The following ADGRF4 variants were observed in gnomAD, a reference collection of about 807,000 sequenced individuals.
The protein encoded by ADGRF4 is adhesion G protein-coupled receptor F4, also known as G-protein coupled receptor PGR18.
Under a neutral mutation model 58.5 loss-of-function variants are expected in ADGRF4, and 63 were observed. That is an observed-to-expected ratio of 1.08 (90% CI 0.88 to 1.33). The LOEUF (loss-of-function observed/expected upper bound fraction) is 1.33, where lower values mean the gene tolerates loss of function less well. Among genes scored for constraint, ADGRF4 ranks in the 40% most tolerant of loss-of-function variants. The probability of loss-of-function intolerance (pLI) is 0.00; values close to 1 mark genes in which losing one functional copy is unlikely to be tolerated. For missense variants in ADGRF4, 931 were observed against 843.9 expected (o/e 1.10, Z -1.28); for synonymous variants, 313 against 295.4 (o/e 1.06, Z -0.61).
Position 47,710,717 on chromosome 6 carries a change from CT to C in ADGRF4, c.149-17del. 6.6e-7 allele frequency: 1 copy of C among 1,521,046 alleles called. No homozygotes were observed. The highest frequency in any genetic ancestry group is 8.8e-7 in the Non-Finnish European group (1 of 1,138,022). 94.2% of individuals were successfully genotyped at this position (1,521,046 alleles called of 1,614,324 possible). A position where few individuals can be genotyped will look rare whatever the true frequency, so the allele number is the denominator to read the frequency against. On this transcript the variant is annotated splice_polypyrimidine_tract_variant and intron_variant, in intron 3 of 9. Transcript: ENST00000283303. ...ATTGGGCTCCTGTCTCTCTCTCTTT[CT>C]CTTTTTTTCTTTATAGAGAAATGCG...
Position 47,714,548 on chromosome 6 carries a change from A to G in ADGRF4, c.1303A>G (p.Ile435Val). The G allele has an allele frequency of 6.2e-7, 1 of 1,614,076 alleles. No homozygotes were observed. The highest frequency in any genetic ancestry group is 1.1e-5 in the South Asian group (1 of 91,076). Reference protein sequence around the residue: ...TVWSRVVVTEISYMRHVCIVN... With the variant: ...TVWSRVVVTEVSYMRHVCIVN... ...GTGGTCCCGGGTGGTTGTGACGGAGATATCATACATGCGTCACGTGTGCAT... is the reference window on the plus strand; with the variant it reads ...GTGGTCCCGGGTGGTTGTGACGGAGGTATCATACATGCGTCACGTGTGCAT... Residue 435 changes from isoleucine (I) to valine (V), a missense_variant, in exon 6 of 10, where the codon ATA (isoleucine) becomes GTA (valine). Ile to Val is a conservative substitution (Grantham distance 29, BLOSUM62 3). Transcript: ENST00000283303.
chr6:47,714,287 CA>C lies in ADGRF4; in HGVS notation c.1043del (p.Gln348ArgfsTer19), dbSNP rs1229608855. On this transcript the variant is annotated frameshift_variant, in exon 6 of 10. Transcript: ENST00000283303. LOFTEE classifies it high-confidence loss of function. ...CAATAAAACCCGCAATGCCAGAGCCCAGTGTGTTGGCTGGCACTCCAAGAAA... is the reference window on the plus strand; with the variant it reads ...CAATAAAACCCGCAATGCCAGAGCCCGTGTGTTGGCTGGCACTCCAAGAAA... ...KINKTRNARA[Q>X]CVGWHSKKRR... 1 of 1,614,120 alleles carries C rather than the reference CA, an allele frequency of 6.2e-7. No individual in the cohort carries two copies. Among genetic ancestry groups the C allele is most frequent in the African/African-American group, 1.3e-5 (1 of 75,026 alleles).
chr6:47,702,693 C>A (rs774072277), intron 1 of ADGRF4, among the ~76,000 whole-genome samples: 1 of 152,232 alleles, frequency 6.6e-6, no homozygotes, highest in South Asian at 2.1e-4. Context: ...CTCTTCCCAA[C>A]AAAGTGTTTT....
Position 47,712,608 on chromosome 6 carries a change from G to A in ADGRF4, c.552G>A (p.Lys184=). ...LSDNVTREKM[K]SYSEVANHIL... ...ATAATGTTACTCGAGAGAAAATGAA[G>A]GTATTCTTTGTTAATCATTTAAAAA... Residue 184 remains lysine, a splice_region_variant and synonymous_variant, in exon 5 of 10, where the codon AAG becomes AAA. Coordinates refer to ENST00000283303, the MANE Select transcript of ADGRF4 (RefSeq NM_153838.5). The A allele has an allele frequency of 6.4e-7, 1 of 1,564,190 alleles. No homozygotes were observed. Among genetic ancestry groups the A allele is most frequent in the Non-Finnish European group, 8.8e-7 (1 of 1,136,104 alleles).
In ADGRF4 at chr6:47,701,693, A is replaced by C. The variant is rs77336146; in HGVS notation, c.-17+2899A>C. ...AGAGCTCCCATGAACATATCAGCAC[A>C]GTGACGGGCATTAGGTAGATGCCCA... On this transcript the variant is annotated intron_variant, in intron 1 of 9. Coordinates refer to ENST00000283303, the MANE Select transcript of ADGRF4 (RefSeq NM_153838.5). Among the ~76,000 whole-genome samples, 659 of 152,362 alleles carry C rather than the reference A, an allele frequency of 4.3e-3. 3 individuals are homozygous for C. Among genetic ancestry groups the C allele is most frequent in the African/African-American group, 0.014 (574 of 41,584 alleles).
rs752842683 is a variant in ADGRF4 at position 47,717,337 on chromosome 6, T to C, written c.2020T>C (p.Ser674Pro). ...RMRMSSLKGK[S>P]RAAENASLGP... ...GAGGATGTCTTCACTGAAGGGGAAA[T>C]CGAGGGCAGCTGAGGTAAGCCTTCC... Residue 674 changes from serine to proline, a missense_variant, in exon 8 of 10, where the codon TCG (serine) becomes CCG (proline). Coordinates refer to ENST00000283303, the MANE Select transcript of ADGRF4 (RefSeq NM_153838.5). 4 of 1,611,672 alleles carry C rather than the reference T, an allele frequency of 2.5e-6. No homozygotes were observed. The highest frequency in any genetic ancestry group is 4.5e-5 in the East Asian group (2 of 44,866).
In ADGRF4 at chr6:47,712,724, A is replaced by G. The variant is rs1008746475; in HGVS notation, c.552+116A>G. On this transcript the variant is annotated intron_variant, in intron 5 of 9. Transcript: ENST00000283303. ...TGACAGCAACCATCAAAGCAACAGC[A>G]GGCATTTCACTTCGGTTTGGGATAT... 6.9e-6 allele frequency: 5 copies of G among 723,512 alleles called. No individual in the cohort carries two copies. In the African/African-American group the frequency reaches 7.1e-5, roughly 10 times the overall value. 44.8% of individuals were successfully genotyped at this position (723,512 alleles called of 1,614,324 possible).
At chr6:47,708,322 A>G in intron 3 of ADGRF4, 44 bp downstream of exon 3, 1 of 1,465,772 alleles carries the variant, frequency 6.8e-7, no homozygotes. Flanking sequence ...AAGACAGGGA[A>G]GAATAAAGGA....
intron 1 of ADGRF4, 49 bp from the exon 2 acceptor site, chr6:47,707,181 G>T (rs1483865649): frequency 3.1e-6 from 3 of 974,496 alleles, no homozygotes; most frequent in African/African-American, 3.2e-5. Context: ...ATTGTTAGTT[G>T]CGTGAAGTTG....
intron 1 of ADGRF4, among the ~76,000 whole-genome samples, chr6:47,702,208 A>G (rs992568296): frequency 2.6e-5 from 4 of 152,196 alleles, no homozygotes; most frequent in African/African-American, 7.2e-5. Context: ...AAGAAATCTC[A>G]GAACCTTTGA....
chr6:47,715,235 C>T, intron 6 of ADGRF4, 58 bp downstream of exon 6: 1 of 1,240,540 alleles, frequency 8.1e-7, no homozygotes, highest in Non-Finnish European at 1.1e-6. Flanking sequence ...AAAAAAATGG[C>T]TATGATTTGA....
chr6:47,720,259 G>T (rs1422447433), intron 9 of ADGRF4, among the ~76,000 whole-genome samples: 1 of 152,180 alleles, frequency 6.6e-6, no homozygotes, highest in Non-Finnish European at 1.5e-5. Context: ...CACACTGGGG[G>T]TGTTTGGTAA....
chr6:47,718,761 G>A (rs1772091933), intron 9 of ADGRF4, among the ~76,000 whole-genome samples: 2 of 152,104 alleles, frequency 1.3e-5, no homozygotes, highest in South Asian at 4.1e-4. Context: ...TGTTGAAAAA[G>A]AACACTTGAT....
At chr6:47,699,170 A>G (rs1771528343) in intron 1 of ADGRF4, among the ~76,000 whole-genome samples, 1 of 152,180 alleles carries the variant, frequency 6.6e-6, no homozygotes, top group Non-Finnish European at 1.5e-5. Context: ...GTTCTTGATT[A>G]GTTTCTTCTT....
chr6:47,707,935 C>T (rs1025042223), intron 2 of ADGRF4, among the ~76,000 whole-genome samples: 2 of 152,224 alleles, frequency 1.3e-5, no homozygotes, highest in East Asian at 3.9e-4. Flanking sequence ...CTGTGTTCTC[C>T]CTGGATGCTT....
intron 6 of ADGRF4, 60 bp from the exon 7 acceptor site, chr6:47,716,744 AAT>A: frequency 7.9e-7 from 1 of 1,270,694 alleles, no homozygotes; most frequent in Non-Finnish European, 1.1e-6. Context: ...GCGGTATGAA[AAT>A]AACAGCAGGA....
At position 47,715,935 on chromosome 6, in the gene ADGRF4, A is replaced by C. The variant is rs77643505; in HGVS notation, c.1932+758A>C. Reference sequence around the variant, plus strand: ...GTAGTAACTATAGAGCACATTTATTATACTCTTTCTGTTGCATTGCTTTAC... The same window carrying C: ...GTAGTAACTATAGAGCACATTTATTCTACTCTTTCTGTTGCATTGCTTTAC... On this transcript the variant is annotated intron_variant, in intron 6 of 9. Transcript: ENST00000283303. Among the ~76,000 whole-genome samples the C allele has an allele frequency of 4.3e-3, 659 of 152,084 alleles. 3 individuals are homozygous for C. Among genetic ancestry groups the C allele is most frequent in the African/African-American group, 0.014 (575 of 41,480 alleles).
At chr6:47,717,404 T>C in intron 8 of ADGRF4, 53 bp downstream of exon 8, 1 of 1,169,060 alleles carries the variant, frequency 8.6e-7, no homozygotes, top group Non-Finnish European at 1.3e-6. Context: ...CCTTGCCGGT[T>C]ATGCAGAGAC....
intron 5 of ADGRF4, 55 bp downstream of exon 5, chr6:47,712,663 T>C (rs1265439724): frequency 7.5e-7 from 1 of 1,327,076 alleles, no homozygotes; most frequent in Non-Finnish European, 1.1e-6. Flanking sequence ...TTCATTTGAA[T>C]AGTTTCAAAT....
Sources: gnomAD v4.1 joint callset for allele counts (sites outside exome capture counted in the v4.1 genomes callset) on GRCh38, gnomAD v4.1.1 for gene constraint, MANE v1.5 for transcripts, NCBI Gene and HGNC (gene_info 2026-07-23, HGNC 2026-07-21) for gene names.